PSD3: variants seen among roughly 807,000 people sequenced by gnomAD.
The protein encoded by PSD3 is pleckstrin and Sec7 domain containing 3, also known as PH and SEC7 domain-containing protein 3.
PSD3 carries 49 observed loss-of-function variants against 105.5 expected under a neutral mutation model. The observed-to-expected ratio is 0.46, with a 90% CI of 0.37 to 0.59. The LOEUF (loss-of-function observed/expected upper bound fraction) is 0.59, where lower values mean the gene tolerates loss of function less well. PSD3 is among the 20% of genes least tolerant of loss of function. The probability of loss-of-function intolerance (pLI) is 0.00; values close to 1 mark genes in which losing one functional copy is unlikely to be tolerated. For synonymous variants in PSD3, 557 were observed against 457.8 expected, an observed-to-expected ratio of 1.22 and a Z score of -2.77; for missense variants, 1,561 against 1,263.8, an observed-to-expected ratio of 1.24 and a Z score of -3.57.
intron 11 of PSD3, among the ~76,000 whole-genome samples, chr8:18,621,335 G>C (rs1806093879): frequency 6.6e-6 from 1 of 152,144 alleles, no homozygotes; most frequent in South Asian, 2.1e-4. Context: ...TTGAACCAGG[G>C]AGACAGAGGT....
intron 11 of PSD3, among the ~76,000 whole-genome samples, chr8:18,613,329 T>C (rs1805412566): frequency 6.6e-6 from 1 of 152,096 alleles, no homozygotes; most frequent in Non-Finnish European, 1.5e-5. Context: ...CTTGGGAAGT[T>C]TGCACTGTTT....
At chr8:19,069,647 T>C (rs1829188951) in intron 1 of PSD3, among the ~76,000 whole-genome samples, 1 of 152,186 alleles carries the variant, frequency 6.6e-6, no homozygotes, top group Non-Finnish European at 1.5e-5. Context: ...GTGCAGGAAG[T>C]AGCTAAGGGC....
intron 4 of PSD3, among the ~76,000 whole-genome samples, chr8:18,847,133 T>C (rs757747161): frequency 6.6e-6 from 1 of 152,152 alleles, no homozygotes; most frequent in South Asian, 2.1e-4. Context: ...CGCACACTTC[T>C]GCTTTCATGC....
chr8:18,991,913 C>A (rs947493769), intron 1 of PSD3, among the ~76,000 whole-genome samples: 1 of 152,152 alleles, frequency 6.6e-6, no homozygotes, highest in Non-Finnish European at 1.5e-5. Flanking sequence ...TCCCTTAAAT[C>A]ATTCAACCCT....
At chr8:19,084,655 C>T (rs998107416) in exon 1 of PSD3, 4 of 340,092 alleles carry the variant, frequency 1.2e-5, no homozygotes, top group South Asian at 2.2e-5. Flanking sequence ...ACGTCCGGAT[C>T]CTGGGATTTT....
At chr8:19,005,756 T>C (rs1040004657) in intron 1 of PSD3, among the ~76,000 whole-genome samples, 7 of 151,910 alleles carry the variant, frequency 4.6e-5, no homozygotes, top group African/African-American at 1.7e-4. Context: ...CCCAAAGTGC[T>C]GAGATTACAG....
At chr8:19,039,292 C>T (rs887819860) in intron 1 of PSD3, among the ~76,000 whole-genome samples, 1 of 152,164 alleles carries the variant, frequency 6.6e-6, no homozygotes. Context: ...ATTACAAAAT[C>T]AGTGCATGTA....
At chr8:18,536,799 T>C (rs1026683445) in intron 15 of PSD3, among the ~76,000 whole-genome samples, 6 of 152,122 alleles carry the variant, frequency 3.9e-5, no homozygotes, top group African/African-American at 1.4e-4. Context: ...TATAGAACTA[T>C]CATATATGTT....
chr8:19,075,093 A>C (rs13255234), intron 1 of PSD3, among the ~76,000 whole-genome samples: 2 of 151,502 alleles, frequency 1.3e-5, no homozygotes, highest in African/African-American at 4.9e-5. Context: ...TTACAGGCAC[A>C]GTACACCATG....
At chr8:18,931,887 T>A (rs1821772917) in intron 2 of PSD3, among the ~76,000 whole-genome samples, 1 of 152,012 alleles carries the variant, frequency 6.6e-6, no homozygotes, top group African/African-American at 2.4e-5. Flanking sequence ...TGAGAGTTGG[T>A]TTTCCTACAG....
At chr8:18,844,783 A>C (rs1814945603) in intron 4 of PSD3, among the ~76,000 whole-genome samples, 1 of 152,248 alleles carries the variant, frequency 6.6e-6, no homozygotes, top group South Asian at 2.1e-4. Context: ...CTGCTATGGA[A>C]GATTTTAACC....
At chr8:18,895,951 G>A (rs1217221018) in intron 2 of PSD3, among the ~76,000 whole-genome samples, 5 of 152,004 alleles carry the variant, frequency 3.3e-5, no homozygotes, top group Admixed American at 3.3e-4. Flanking sequence ...CTAACCTTTG[G>A]CTATACCTAC....
intron 14 of PSD3, among the ~76,000 whole-genome samples, chr8:18,565,077 T>A (rs1407108321): frequency 1.3e-5 from 2 of 152,044 alleles, no homozygotes; most frequent in Admixed American, 6.5e-5. Context: ...AGGGTTTAAG[T>A]GGGATCTGGA....
intron 4 of PSD3, among the ~76,000 whole-genome samples, chr8:18,829,260 G>A (rs371477335): frequency 1.3e-5 from 2 of 151,860 alleles, no homozygotes; most frequent in Non-Finnish European, 2.9e-5. Flanking sequence ...TTTAAAAAAC[G>A]GGCAAATTAT....
In PSD3 at chr8:18,957,235, G is replaced by A. The variant is rs571691730; in HGVS notation, c.22-21093C>T. On this transcript the variant is annotated intron_variant, in intron 1 of 15. Transcript: ENST00000327040. Reference sequence around the variant, plus strand: ...AAAATACAAAAATTAGCTGGGCATGGTGGCGCGCGCCTGTAGTCCCAGCTA... The same window carrying A: ...AAAATACAAAAATTAGCTGGGCATGATGGCGCGCGCCTGTAGTCCCAGCTA... 1.1e-4 allele frequency among the ~76,000 whole-genome samples: 16 copies of A among 152,132 alleles called. 1 individual carries two copies. In the East Asian group the frequency reaches 2.9e-3, roughly 28 times the overall value.
chr8:18,824,930 CA>C (rs1813053118), intron 4 of PSD3, among the ~76,000 whole-genome samples: 1 of 152,072 alleles, frequency 6.6e-6, no homozygotes, highest in Admixed American at 6.6e-5. Flanking sequence ...TAAGTCCCCC[CA>C]AAACAGTATT....
chr8:18,946,056 T>C (rs1405729106), intron 1 of PSD3, among the ~76,000 whole-genome samples: 1 of 152,238 alleles, frequency 6.6e-6, no homozygotes, highest in Non-Finnish European at 1.5e-5. Context: ...GAGTCATTAA[T>C]GAGATAATCA....
chr8:18,921,746 T>C (rs1821035655), intron 2 of PSD3, among the ~76,000 whole-genome samples: 1 of 152,198 alleles, frequency 6.6e-6, no homozygotes, highest in South Asian at 2.1e-4. Context: ...AGTCATACAC[T>C]ATGTATGCAG....
intron 14 of PSD3, among the ~76,000 whole-genome samples, chr8:18,571,222 A>T (rs930806813): frequency 6.6e-6 from 1 of 152,092 alleles, no homozygotes; most frequent in African/African-American, 2.4e-5. Context: ...TACACACGAC[A>T]AACAAGGCCT....
Sources: allele counts gnomAD v4.1 joint callset (sites outside exome capture counted in the v4.1 genomes callset), GRCh38; gene constraint gnomAD v4.1.1; transcripts MANE v1.5; gene names NCBI Gene and HGNC (gene_info 2026-07-23, HGNC 2026-07-21).